Variants in ADCY8 observed in about 807,000 individuals in gnomAD.
ADCY8 encodes adenylate cyclase type 8.
ADCY8 carries 51 observed loss-of-function variants against 119.7 expected under a neutral mutation model. That is an observed-to-expected ratio of 0.43 (90% CI 0.34 to 0.54). The LOEUF is 0.54. Among genes scored for constraint, ADCY8 ranks in the 20% least tolerant of loss-of-function variants. ADCY8 has a pLI of 0.03. For synonymous variants in ADCY8, 665 were observed against 651.0 expected (o/e 1.02, Z -0.33); for missense variants, 1,383 against 1,598.8 (o/e 0.87, Z 2.30).
At chr8:131,006,087 GCAT>G (rs1823109441) in intron 1 of ADCY8, among the ~76,000 whole-genome samples, 1 of 151,660 alleles carries the variant, frequency 6.6e-6, no homozygotes, top group Non-Finnish European at 1.5e-5. Flanking sequence ...TACTTCCTCA[GCAT>G]GCTTCACAAT....
At chr8:131,003,408 C>T (rs1823016489) in intron 1 of ADCY8, among the ~76,000 whole-genome samples, 1 of 152,164 alleles carries the variant, frequency 6.6e-6, no homozygotes, top group Admixed American at 6.5e-5. Flanking sequence ...AAGATATCAA[C>T]ATATTCAAAA....
intron 12 of ADCY8, among the ~76,000 whole-genome samples, chr8:130,826,041 G>C (rs191837403): frequency 1.3e-5 from 2 of 152,160 alleles, no homozygotes; most frequent in Non-Finnish European, 2.9e-5. Flanking sequence ...GAATATTCTC[G>C]TATAAACATG....
At chr8:131,014,231 C>A (rs1333689563) in intron 1 of ADCY8, among the ~76,000 whole-genome samples, 1 of 152,072 alleles carries the variant, frequency 6.6e-6, no homozygotes, top group Non-Finnish European at 1.5e-5. Flanking sequence ...TTTAGTTTAC[C>A]CTTGCTTTTT....
At chr8:131,016,140 G>A (rs950248196) in intron 1 of ADCY8, among the ~76,000 whole-genome samples, 9 of 151,792 alleles carry the variant, frequency 5.9e-5, no homozygotes, top group Admixed American at 2.0e-4. Context: ...GTGATAGAAG[G>A]TAAAAAGTAA....
intron 14 of ADCY8, among the ~76,000 whole-genome samples, chr8:130,806,029 G>A (rs1471347286): frequency 6.6e-6 from 1 of 152,170 alleles, no homozygotes; most frequent in Non-Finnish European, 1.5e-5. Context: ...CTCCCTCCCC[G>A]GCATTTCCCC....
At chr8:130,937,004 G>A in intron 5 of ADCY8, 69 bp downstream of exon 5, 2 of 1,511,778 alleles carry the variant, frequency 1.3e-6, no homozygotes, top group African/African-American at 1.4e-5. Flanking sequence ...TTACCACAAA[G>A]GGTAGGTGAA....
chr8:130,852,823 T>G (rs191454943), intron 9 of ADCY8, among the ~76,000 whole-genome samples: 1 of 152,306 alleles, frequency 6.6e-6, no homozygotes, highest in Admixed American at 6.5e-5. Context: ...CTTTCTGCCT[T>G]ATGGGCACTT....
At chr8:130,825,956 CCGCAGGATCTTTCAGCCACAGTA>C (rs2130221299) in intron 12 of ADCY8, among the ~76,000 whole-genome samples, 1 of 152,330 alleles carries the variant, frequency 6.6e-6, no homozygotes, top group African/African-American at 2.4e-5. Context: ...AGGACTACTT[CCGCAGGATCTTTCAGCCACAGTA>C]CTGGGCATGG....
At chr8:131,012,055 C>T (rs2130781774) in intron 1 of ADCY8, among the ~76,000 whole-genome samples, 1 of 152,316 alleles carries the variant, frequency 6.6e-6, no homozygotes, top group South Asian at 2.1e-4. Context: ...AGCCTGGCAT[C>T]TCAGAACCAG....
chr8:130,915,932 G>A (rs1287079513), intron 5 of ADCY8, among the ~76,000 whole-genome samples: 1 of 152,092 alleles, frequency 6.6e-6, no homozygotes, highest in Non-Finnish European at 1.5e-5. Flanking sequence ...GGAAAAAACG[G>A]TGCCCTTGAA....
chr8:130,915,346 C>T (rs1354306203), intron 5 of ADCY8, among the ~76,000 whole-genome samples: 2 of 152,046 alleles, frequency 1.3e-5, no homozygotes, highest in East Asian at 3.9e-4. Flanking sequence ...ATAGGAGTTG[C>T]TAGAGGAATG....
intron 12 of ADCY8, among the ~76,000 whole-genome samples, chr8:130,835,279 G>A (rs1816951075): frequency 6.6e-6 from 1 of 152,144 alleles, no homozygotes; most frequent in Non-Finnish European, 1.5e-5. Context: ...ATGCAAAAAG[G>A]GAACTCTTGC....
chr8:130,824,116 C>T (rs1246491584), intron 12 of ADCY8, among the ~76,000 whole-genome samples: 3 of 152,130 alleles, frequency 2.0e-5, no homozygotes, highest in Non-Finnish European at 4.4e-5. Context: ...AGCTCAGGCA[C>T]CAAATTCAGC....
intron 10 of ADCY8, among the ~76,000 whole-genome samples, chr8:130,849,032 C>G (rs542329607): frequency 4.6e-5 from 7 of 152,226 alleles, no homozygotes; most frequent in African/African-American, 1.7e-4. Context: ...ATAGTAGGTG[C>G]TCAATAAATG....
rs530151024 is a variant in ADCY8 at position 130,919,318 on chromosome 8, C to G, written c.1482-9452G>C. Among the ~76,000 whole-genome samples the G allele has an allele frequency of 1.3e-3, 196 of 152,284 alleles. 1 individual carries two copies. Among genetic ancestry groups the G allele is most frequent in the Middle Eastern group, 3.4e-3 (1 of 294 alleles). ...ACTCACACTCGCACACACACACACACACACCACACACATGATGTATGTTGT... is the reference window on the plus strand; with the variant it reads ...ACTCACACTCGCACACACACACACAGACACCACACACATGATGTATGTTGT... On this transcript the variant is annotated intron_variant, in intron 5 of 17. Transcript: ENST00000286355.
chr8:130,814,252 G>T, intron 13 of ADCY8, 25 bp from the exon 14 acceptor site: 1 of 1,612,194 alleles, frequency 6.2e-7, no homozygotes, highest in East Asian at 2.2e-5. Flanking sequence ...AGAGAAAGAG[G>T]AGAATGAGGT....
intron 2 of ADCY8, among the ~76,000 whole-genome samples, chr8:130,958,306 A>T (rs1303458013): frequency 6.6e-6 from 1 of 152,204 alleles, no homozygotes; most frequent in African/African-American, 2.4e-5. Context: ...AATTGTAGAA[A>T]ATTGAATGCA....
Position 131,039,903 on chromosome 8 carries a change from T to C in ADCY8, c.431A>G (p.Asn144Ser). Residue 144 changes from asparagine to serine, a missense_variant, in exon 1 of 18, where the codon AAT (asparagine) becomes AGT (serine). Asn to Ser is a conservative substitution (Grantham distance 46). Transcript: ENST00000286355. ...GACCCCTCGGTAGCTATAGCCCCCA[T>C]TAAGAAAGAAATCCGAGTTGCTAGG... ...CAPSNSDFFL[N>S]GGYSYRGVIF... 1 of 1,613,202 alleles carries C rather than the reference T, an allele frequency of 6.2e-7. No individual in the cohort carries two copies. Among genetic ancestry groups the C allele is most frequent in the Non-Finnish European group, 8.5e-7 (1 of 1,179,558 alleles).
At chr8:130,972,616 G>A (rs796589707) in intron 2 of ADCY8, among the ~76,000 whole-genome samples, 5 of 152,212 alleles carry the variant, frequency 3.3e-5, no homozygotes, top group African/African-American at 1.2e-4. Flanking sequence ...CCAAAGTAGG[G>A]TACTTTGATA....
Sources: allele counts gnomAD v4.1 joint callset (sites outside exome capture counted in the v4.1 genomes callset), GRCh38; gene constraint gnomAD v4.1.1; transcripts MANE v1.5; gene names NCBI Gene and HGNC (gene_info 2026-07-23, HGNC 2026-07-21).